Variants in STK38 observed in about 807,000 individuals in gnomAD.
STK38 encodes serine/threonine-protein kinase 38.
In STK38, 26 loss-of-function variants were observed where a neutral mutation model predicts 59.0. The ratio of observed to expected loss-of-function variants is 0.44; its 90% CI spans 0.32 to 0.61. The LOEUF is 0.61. Ranked by LOEUF, STK38 falls within the 20% of genes least tolerant of loss-of-function variation. The pLI, the probability that STK38 is intolerant of heterozygous loss-of-function variation, is 0.04. For missense variants in STK38, 433 were observed against 566.0 expected (o/e 0.76, Z 2.38); for synonymous variants, 175 against 176.6 (o/e 0.99, Z 0.07).
chr6:36,495,701 TG>T lies in STK38; in HGVS notation c.*82del. On this transcript the variant is annotated 3_prime_UTR_variant, in exon 14 of 14. Coordinates refer to ENST00000229812, the MANE Select transcript of STK38 (RefSeq NM_007271.4). The stretch of plus-strand genomic sequence containing the variant: ...ATATTGGTGGGTTCCATCAACTTCT[TG>T]GAAGCTCTTCAAGAGTGTGAGAGGA... The T allele has an allele frequency of 6.4e-7, 1 of 1,572,612 alleles. No individual in the cohort carries two copies. The highest frequency in any genetic ancestry group is 8.7e-7 in the Non-Finnish European group (1 of 1,153,156).
chr6:36,526,693 G>A (rs573845769), intron 2 of STK38, among the ~76,000 whole-genome samples: 14 of 151,720 alleles, frequency 9.2e-5, no homozygotes, highest in Non-Finnish European at 2.1e-4. Context: ...TCAGGAGTTC[G>A]AGACCAGACT....
At chr6:36,499,731 G>A (rs750037754) in intron 10 of STK38, 142 bp downstream of exon 10, 12 of 711,096 alleles carry the variant, frequency 1.7e-5, no homozygotes, top group African/African-American at 5.2e-5. Context: ...ACTGAAAGAG[G>A]TGTCATCTGT....
intron 5 of STK38, 143 bp from the exon 6 acceptor site, chr6:36,517,983 G>A (rs1317162095): frequency 2.6e-6 from 3 of 1,148,356 alleles, no homozygotes; most frequent in African/African-American, 3.1e-5. Context: ...TTTCTGCTTA[G>A]GCAAACCTAC....
intron 6 of STK38, among the ~76,000 whole-genome samples, chr6:36,517,157 GACAA>G (rs1300391830): frequency 6.6e-6 from 1 of 151,902 alleles, no homozygotes; most frequent in East Asian, 1.9e-4. Flanking sequence ...TCTGCTCACT[GACAA>G]ACAGACTGCT....
At chr6:36,517,389 G>A (rs1377623473) in intron 6 of STK38, among the ~76,000 whole-genome samples, 1 of 152,048 alleles carries the variant, frequency 6.6e-6, no homozygotes, top group Non-Finnish European at 1.5e-5. Flanking sequence ...TTGTCACTTG[G>A]GTTATTGATC....
In STK38 at chr6:36,524,606, G is replaced by C. The variant is rs567276296; in HGVS notation, c.184-143C>G. 6 of 804,414 alleles carry C rather than the reference G, an allele frequency of 7.5e-6. No homozygotes were observed. In the South Asian group the frequency reaches 1.2e-4, roughly 16 times the overall value. The allele number at this position is 804,414 out of a possible 1,614,324, so 49.8% of individuals were successfully genotyped here. Reference sequence around the variant, plus strand: ...TCTTTTCACATATGAAATCACCCCAGAAGGATCCTTAAGAGGTCACTTCTC... The same window carrying C: ...TCTTTTCACATATGAAATCACCCCACAAGGATCCTTAAGAGGTCACTTCTC... On this transcript the variant is annotated intron_variant, in intron 3 of 13. Coordinates refer to ENST00000229812, the MANE Select transcript of STK38 (RefSeq NM_007271.4).
intron 2 of STK38, among the ~76,000 whole-genome samples, chr6:36,538,048 C>T (rs1475454257): frequency 6.6e-6 from 1 of 152,152 alleles, no homozygotes; most frequent in Non-Finnish European, 1.5e-5. Context: ...CGCCTGTAAT[C>T]CCAGCACTTC....
At chr6:36,527,386 T>C (rs541634389) in intron 2 of STK38, among the ~76,000 whole-genome samples, 125 of 146,534 alleles carry the variant, frequency 8.5e-4, no homozygotes, top group Middle Eastern at 7.1e-3. Flanking sequence ...CACACACACA[T>C]ATATGTATAT....
intron 10 of STK38, 93 bp downstream of exon 10, chr6:36,499,780 C>T (rs1776793561): frequency 1.2e-5 from 12 of 1,022,934 alleles, no homozygotes; most frequent in Non-Finnish European, 1.9e-5. Context: ...AGGGAAATCA[C>T]TTAGATCACT....
chr6:36,508,331 T>C (rs1328211615), intron 7 of STK38, among the ~76,000 whole-genome samples: 1 of 152,228 alleles, frequency 6.6e-6, no homozygotes, highest in Non-Finnish European at 1.5e-5. Context: ...GCATTCCATT[T>C]TCAATTCTTA....
At chr6:36,516,114 C>G (rs1213468822) in intron 6 of STK38, among the ~76,000 whole-genome samples, 1 of 152,186 alleles carries the variant, frequency 6.6e-6, no homozygotes, top group African/African-American at 2.4e-5. Context: ...CAATGAACAC[C>G]TCTCAAGGTC....
intron 7 of STK38, among the ~76,000 whole-genome samples, chr6:36,512,493 T>A (rs1777137445): frequency 6.6e-6 from 1 of 152,184 alleles, no homozygotes; most frequent in Admixed American, 6.5e-5. Context: ...ATATCTGACA[T>A]TAATGACACA....
At chr6:36,543,789 A>G (rs1041073120) in intron 1 of STK38, among the ~76,000 whole-genome samples, 5 of 152,112 alleles carry the variant, frequency 3.3e-5, no homozygotes, top group Non-Finnish European at 7.4e-5. Context: ...CTACAGGGAC[A>G]TGCCATCACC....
chr6:36,495,818 C>G lies in STK38; in HGVS notation c.1364G>C (p.Gly455Ala). 6.2e-7 allele frequency: 1 copy of G among 1,613,984 alleles called. No individual in the cohort carries two copies. The highest frequency in any genetic ancestry group is 2.2e-5 in the East Asian group (1 of 44,872). The change falls in exon 14 of 14, where the codon GGG becomes GCG. Residue 455 changes from glycine to alanine, a missense_variant. By Grantham distance (60) the Gly-to-Ala change is moderately conservative (BLOSUM62 0). This residue lies in a region of STK38 where 136 missense variants were observed against 156.7 expected (regional missense o/e 0.87). Coordinates refer to ENST00000229812, the MANE Select transcript of STK38 (RefSeq NM_007271.4). ...YKRFEGLTAR[G>A]AIPSYMKAAK ...TGCTTTCATGTAGGAAGGTATTGCCCCCCTTGCAGTCAGGCCCTCAAAGCG... is the reference window on the plus strand; with the variant it reads ...TGCTTTCATGTAGGAAGGTATTGCCGCCCTTGCAGTCAGGCCCTCAAAGCG...
chr6:36,540,004 A>T (rs1178977391), intron 2 of STK38, 68 bp downstream of exon 2: 1 of 1,594,796 alleles, frequency 6.3e-7, no homozygotes, highest in African/African-American at 1.3e-5. Context: ...TCAGCATTAT[A>T]AGTGTTTTAC....
At chr6:36,507,281 T>G (rs986324669) in intron 8 of STK38, among the ~76,000 whole-genome samples, 1 of 152,032 alleles carries the variant, frequency 6.6e-6, no homozygotes, top group African/African-American at 2.4e-5. Flanking sequence ...AGTAGACCTC[T>G]AAAGACCCCT....
chr6:36,508,507 T>C (rs756751954), intron 7 of STK38, among the ~76,000 whole-genome samples: 9 of 152,254 alleles, frequency 5.9e-5, no homozygotes, highest in Non-Finnish European at 1.2e-4. Flanking sequence ...TTGGAATAAA[T>C]TCCAGGAGTA....
chr6:36,520,205 C>T (rs941692106), intron 5 of STK38, among the ~76,000 whole-genome samples: 1 of 152,178 alleles, frequency 6.6e-6, no homozygotes, highest in African/African-American at 2.4e-5. Context: ...GTGAGCTAAA[C>T]AATTTAAGTT....
chr6:36,512,696 G>C (rs758921074), intron 7 of STK38, among the ~76,000 whole-genome samples: 13 of 151,962 alleles, frequency 8.6e-5, no homozygotes, highest in Non-Finnish European at 1.5e-4. Flanking sequence ...GTCTCGCTCT[G>C]TTGGCCAGGC....
Sources: allele counts gnomAD v4.1 joint callset (sites outside exome capture counted in the v4.1 genomes callset), GRCh38; gene constraint gnomAD v4.1.1; regional missense constraint gnomAD v4.1.1; transcripts MANE v1.5; gene names NCBI Gene and HGNC (gene_info 2026-07-23, HGNC 2026-07-21).